The following GLE1 variants were observed in gnomAD, a reference collection of about 807,000 sequenced individuals.
The protein encoded by GLE1 is GLE1 RNA export mediator, also known as mRNA export factor GLE1.
In GLE1, 78 loss-of-function variants were observed where a neutral mutation model predicts 97.3. The ratio of observed to expected loss-of-function variants is 0.80; its 90% CI spans 0.67 to 0.97. The LOEUF (loss-of-function observed/expected upper bound fraction) is 0.97, where lower values mean the gene tolerates loss of function less well. Among genes scored for constraint, GLE1 ranks in the 50% least tolerant of loss-of-function variants. The probability of loss-of-function intolerance (pLI) is 0.00; values close to 1 mark genes in which losing one functional copy is unlikely to be tolerated. For synonymous variants in GLE1, 302 were observed against 313.4 expected (o/e 0.96, Z 0.39); for missense variants, 753 against 857.5 (o/e 0.88, Z 1.52).
intron 3 of GLE1, among the ~76,000 whole-genome samples, chr9:128,520,349 T>C (rs1847111487): frequency 6.7e-6 from 1 of 148,212 alleles, no homozygotes; most frequent in Non-Finnish European, 1.5e-5. Flanking sequence ...TATATGTGTA[T>C]ATATGTATGT....
chr9:128,531,579 C>T (rs1271935088), intron 9 of GLE1, among the ~76,000 whole-genome samples: 2 of 148,384 alleles, frequency 1.3e-5, no homozygotes, highest in African/African-American at 2.5e-5. Context: ...CACCTGTAAT[C>T]CCAGCATTTT....
rs2132405090 is a variant in GLE1, at chr9:128,508,929, G to A, written c.153G>A (p.Trp51Ter). 2 of 1,610,818 alleles carry A rather than the reference G, an allele frequency of 1.2e-6. No individual in the cohort carries two copies. The highest frequency in any genetic ancestry group is 1.7e-6 in the Non-Finnish European group (2 of 1,177,044). Reference protein sequence around the residue: ...SLPKLSSYSGWVVEHVLPHMQ... With the variant: ...SLPKLSSYSG ...CCAAGCTATCTTCTTATTCTGGATG[G>A]GTGGTAGAGCACGTCCTACCCCATA... The change falls in exon 2 of 16, where the codon TGG becomes TGA. Residue 51 changes from tryptophan (W) to a stop codon, truncating the protein, a stop_gained. Transcript: ENST00000309971. LOFTEE classifies it high-confidence loss of function.
chr9:128,510,664 G>C (rs1224356414), intron 2 of GLE1, among the ~76,000 whole-genome samples: 1 of 151,158 alleles, frequency 6.6e-6, no homozygotes, highest in African/African-American at 2.4e-5. Flanking sequence ...AAGTAGCTGA[G>C]ATTACAGGTG....
intron 1 of GLE1, among the ~76,000 whole-genome samples, chr9:128,507,585 CAAAA>C (rs373872187): frequency 2.7e-5 from 2 of 75,138 alleles, no homozygotes. Context: ...GCCTGTCTCT[CAAAA>C]AAAAAAAAAA....
rs547684338 is a variant in GLE1, at chr9:128,539,225, C to A, written c.1882-391C>A. 5.3e-5 allele frequency among the ~76,000 whole-genome samples: 8 copies of A among 152,018 alleles called. No individual in the cohort carries two copies. In the South Asian group the frequency reaches 6.2e-4, roughly 12 times the overall value. ...CTCTAGCCTGGGCGACAGAGTGAGA[C>A]CCTATTTCAAAAAAAAATAAAAAGC... On this transcript the variant is annotated intron_variant, in intron 13 of 15. Transcript: ENST00000309971.
In GLE1 at chr9:128,504,878, T is replaced by C; in HGVS notation, c.73T>C (p.Tyr25His). 2.5e-6 allele frequency: 4 copies of C among 1,611,850 alleles called. No individual in the cohort carries two copies. Among genetic ancestry groups the C allele is most frequent in the Non-Finnish European group, 2.5e-6 (3 of 1,177,938 alleles). ...TTCCGACAAAGGTCGCCTTTGCTAC[T>C]ACCGCGACTGGCTGCTGCGGCGCGA... is the stretch of plus-strand genomic sequence containing the variant. Reference protein sequence around the residue: ...RSSDKGRLCYYRDWLLRREDV... With the variant: ...RSSDKGRLCYHRDWLLRREDV... The change falls in exon 1 of 16, where the codon TAC becomes CAC. Residue 25 changes from tyrosine to histidine, a missense_variant. Transcript: ENST00000309971.
At chr9:128,509,459 CTCAT>C (rs1846739702) in intron 2 of GLE1, among the ~76,000 whole-genome samples, 1 of 151,606 alleles carries the variant, frequency 6.6e-6, no homozygotes, top group Non-Finnish European at 1.5e-5. Context: ...CATGCCTTCT[CTCAT>C]TGGTTCTGTA....
chr9:128,522,687 A>G lies in GLE1; in HGVS notation c.452A>G (p.Gln151Arg), dbSNP rs571350843. 1.3e-6 allele frequency: 2 copies of G among 1,588,086 alleles called. No homozygotes were observed. The highest frequency in any genetic ancestry group is 2.3e-5 in the East Asian group (1 of 43,862). Residue 151 changes from glutamine to arginine, a missense_variant, in exon 4 of 16, where the codon CAG becomes CGG. Transcript: ENST00000309971. ...MKGTEGLRLW[Q>R]EEQERKVQAL... Reference sequence around the variant, plus strand: ...TTTCAGGAGGGCCTGAGGCTATGGCAGGAGGAGCAGGAGAGGAAGGTGCAA... The same window carrying G: ...TTTCAGGAGGGCCTGAGGCTATGGCGGGAGGAGCAGGAGAGGAAGGTGCAA...
intron 12 of GLE1, among the ~76,000 whole-genome samples, chr9:128,537,178 G>A (rs902127068): frequency 2.0e-5 from 3 of 151,518 alleles, no homozygotes; most frequent in Admixed American, 6.6e-5. Context: ...AATAGAAGGC[G>A]AGGTAGCTTC....
At chr9:128,513,375 G>A (rs1291679984) in intron 2 of GLE1, among the ~76,000 whole-genome samples, 1 of 151,962 alleles carries the variant, frequency 6.6e-6, no homozygotes, top group Non-Finnish European at 1.5e-5. Flanking sequence ...CATCTTCTTA[G>A]GTTAGCATTC....
In GLE1 at chr9:128,504,767, C is replaced by A. The variant is rs771679317; in HGVS notation, c.-39C>A. ...CGGCTGATTCGAGGGCTTGTTTGGT[C>A]AGAAGGGGGGCGTCAGAGAAGCTGC... On this transcript the variant is annotated 5_prime_UTR_variant, in exon 1 of 16. Transcript: ENST00000309971. The A allele has an allele frequency of 2.2e-6, 3 of 1,353,896 alleles. No individual in the cohort carries two copies. Among genetic ancestry groups the A allele is most frequent in the Non-Finnish European group, 3.2e-6 (3 of 944,068 alleles). 83.9% of individuals were successfully genotyped at this position (1,353,896 alleles called of 1,614,324 possible). A position where few individuals can be genotyped will look rare whatever the true frequency, so the allele number is the denominator to read the frequency against.
At chr9:128,525,053 C>T (rs2132464599) in intron 6 of GLE1, 139 bp from the exon 7 acceptor site, 1 of 717,286 alleles carries the variant, frequency 1.4e-6, no homozygotes, top group Non-Finnish European at 2.5e-6. Flanking sequence ...TTTAAGAGAA[C>T]AGGGAAAGAA....
In GLE1 at chr9:128,541,718, T is replaced by C. The variant is rs1847887254; in HGVS notation, c.*548T>C. 1 of 160,322 alleles carries C rather than the reference T, an allele frequency of 6.2e-6. No homozygotes were observed. The highest frequency in any genetic ancestry group is 5.9e-5 in the Admixed American group (1 of 16,992). 9.9% of individuals were successfully genotyped at this position (160,322 alleles called of 1,614,324 possible). ...TTCTAAAGCTAGAGGAAGTATGTGA[T>C]ATACACATGGACTAAGGCTCAGGTG... On this transcript the variant is annotated 3_prime_UTR_variant, in exon 16 of 16. Coordinates refer to ENST00000309971, the MANE Select transcript of GLE1 (RefSeq NM_001003722.2).
intron 1 of GLE1, among the ~76,000 whole-genome samples, chr9:128,506,249 G>A (rs180765388): frequency 1.3e-5 from 2 of 152,194 alleles, no homozygotes; most frequent in Admixed American, 6.5e-5. Context: ...GGAGACTGAG[G>A]CATGAGAATT....
At chr9:128,511,318 G>A (rs2132414786) in intron 2 of GLE1, among the ~76,000 whole-genome samples, 1 of 149,840 alleles carries the variant, frequency 6.7e-6, no homozygotes, top group Admixed American at 6.7e-5. Context: ...TGTTGTTGTT[G>A]CCAGAAAAGG....
rs1846889700 is a variant in GLE1 at position 128,513,665 on chromosome 9, C to T, written c.322-1864C>T. Among the ~76,000 whole-genome samples, 3 of 149,892 alleles carry T rather than the reference C, an allele frequency of 2.0e-5. No individual in the cohort carries two copies. In the South Asian group the frequency reaches 6.3e-4, roughly 32 times the overall value. The stretch of plus-strand genomic sequence containing the variant: ...TCATGGCTGCAGTGAGCCTAGATAG[C>T]ACGACTGTATGCCAGCACGGGTGAT... On this transcript the variant is annotated intron_variant, in intron 2 of 15. Transcript: ENST00000309971.
intron 7 of GLE1, among the ~76,000 whole-genome samples, chr9:128,526,272 G>A (rs963030094): frequency 2.0e-5 from 3 of 151,926 alleles, no homozygotes; most frequent in Non-Finnish European, 2.9e-5. Flanking sequence ...CACCCGCCTC[G>A]GCCTCCCAAA....
chr9:128,524,840 G>A (rs1402838778), intron 6 of GLE1, among the ~76,000 whole-genome samples: 6 of 151,938 alleles, frequency 3.9e-5, no homozygotes, highest in African/African-American at 1.4e-4. Context: ...TGCAATGACC[G>A]AGATCTTGCC....
In GLE1 at chr9:128,504,918, C is replaced by T. The variant is rs920579323; in HGVS notation, c.99+14C>T. 6.4e-7 allele frequency: 1 copy of T among 1,569,064 alleles called. No individual in the cohort carries two copies. Among genetic ancestry groups the T allele is most frequent in the Non-Finnish European group, 8.8e-7 (1 of 1,139,268 alleles). On this transcript the variant is annotated intron_variant, in intron 1 of 15. Coordinates refer to ENST00000309971, the MANE Select transcript of GLE1 (RefSeq NM_001003722.2). ...CTGCGGCGCGAGGTGAGCGGTGGCC[C>T]CGGAGGACGTAGGCCTTTCCGGCCC...
Sources: gnomAD v4.1 joint callset for allele counts (sites outside exome capture counted in the v4.1 genomes callset) on GRCh38, gnomAD v4.1.1 for gene constraint, MANE v1.5 for transcripts, NCBI Gene and HGNC (gene_info 2026-07-23, HGNC 2026-07-21) for gene names.